Variants in RPS6KC1 observed in about 807,000 individuals in gnomAD.
RPS6KC1 encodes the protein ribosomal protein S6 kinase C1.
A neutral mutation model predicts 103.8 loss-of-function variants in RPS6KC1; 54 were observed. That is an observed-to-expected ratio of 0.52 (90% CI 0.42 to 0.65). The LOEUF is 0.65. Among genes scored for constraint, RPS6KC1 ranks in the 30% least tolerant of loss-of-function variants. The pLI, the probability that RPS6KC1 is intolerant of heterozygous loss-of-function variation, is 0.00. For synonymous variants in RPS6KC1, 439 were observed against 438.7 expected (o/e 1.00, Z -0.01); for missense variants, 1,151 against 1,253.8 (o/e 0.92, Z 1.24).
chr1:213,861,822 C>T, the RPS6KC1 span, among the ~76,000 whole-genome samples: 1 of 152,154 alleles, frequency 6.6e-6, no homozygotes, highest in African/African-American at 2.4e-5. Flanking sequence ...CTTTTGCTTC[C>T]TTTCAGATCT....
chr1:213,286,246 C>T, the RPS6KC1 span, among the ~76,000 whole-genome samples: 1 of 152,174 alleles, frequency 6.6e-6, no homozygotes, highest in Admixed American at 6.5e-5. Context: ...CAGTGTCCAA[C>T]TTAGCAGAGA....
chr1:213,228,586 A>G (rs2094014496), intron 8 of RPS6KC1, among the ~76,000 whole-genome samples: 1 of 151,910 alleles, frequency 6.6e-6, no homozygotes, highest in Non-Finnish European at 1.5e-5. Flanking sequence ...TTATCCAGGC[A>G]TGGTGGCACA....
In RPS6KC1 at chr1:213,167,985, A is replaced by G. The variant is rs2091146030; in HGVS notation, c.951+12A>G. ...ATGATGTATCTCAGGTATGTCTCAT[A>G]TTTTGTTGTGTGTTTTCTTCAGTGA... On this transcript the variant is annotated intron_variant, in intron 7 of 14. Transcript: ENST00000366960. 1 of 1,556,202 alleles carries G rather than the reference A, an allele frequency of 6.4e-7. No homozygotes were observed. The highest frequency in any genetic ancestry group is 8.8e-7 in the Non-Finnish European group (1 of 1,130,086).
chr1:213,392,318 A>T, the RPS6KC1 span, among the ~76,000 whole-genome samples: 1 of 152,060 alleles, frequency 6.6e-6, no homozygotes, highest in Non-Finnish European at 1.5e-5. Flanking sequence ...AGAAATAGTA[A>T]CACAGCACCT....
chr1:213,597,771 A>G, the RPS6KC1 span, among the ~76,000 whole-genome samples: 4 of 152,162 alleles, frequency 2.6e-5, no homozygotes, highest in Non-Finnish European at 5.9e-5. Flanking sequence ...GCTGCTCTGA[A>G]TGAAGGACCC....
At chr1:213,469,773 T>A in the RPS6KC1 span, among the ~76,000 whole-genome samples, 1 of 152,170 alleles carries the variant, frequency 6.6e-6, no homozygotes. Flanking sequence ...CAATTTGTCT[T>A]TGGGAGGCCA....
chr1:213,225,847 T>C (rs2093947761), intron 8 of RPS6KC1, among the ~76,000 whole-genome samples: 1 of 151,872 alleles, frequency 6.6e-6, no homozygotes, highest in Non-Finnish European at 1.5e-5. Context: ...TTCCATGCCT[T>C]TTACCTAGTG....
chr1:213,789,153 G>C, the RPS6KC1 span, among the ~76,000 whole-genome samples: 1 of 152,130 alleles, frequency 6.6e-6, no homozygotes, highest in Non-Finnish European at 1.5e-5. Context: ...GGAAAAGAAA[G>C]GTTGGAATTT....
chr1:213,238,880 T>A (rs2094288341), intron 10 of RPS6KC1, among the ~76,000 whole-genome samples: 1 of 152,162 alleles, frequency 6.6e-6, no homozygotes, highest in South Asian at 2.1e-4. Context: ...TCTAGGAGAA[T>A]TGAAAACCAC....
intron 3 of RPS6KC1, among the ~76,000 whole-genome samples, chr1:213,091,137 A>G (rs748560896): frequency 7.9e-5 from 12 of 151,798 alleles, no homozygotes; most frequent in African/African-American, 1.5e-4. Context: ...GGCTTACTGC[A>G]AGCTCTGCCT....
the RPS6KC1 span, among the ~76,000 whole-genome samples, chr1:213,663,484 C>G: frequency 5.9e-5 from 9 of 152,302 alleles, no homozygotes; most frequent in South Asian, 1.9e-3. Flanking sequence ...CTCTCTACAT[C>G]TATTCTGTTC....
At chr1:213,271,380 G>C (rs1043399447) in intron 14 of RPS6KC1, among the ~76,000 whole-genome samples, 19 of 152,154 alleles carry the variant, frequency 1.2e-4, no homozygotes, top group Non-Finnish European at 2.5e-4. Context: ...CAACTTTATA[G>C]AGACAAAAGG....
chr1:213,076,693 T>A (rs1402111205), intron 2 of RPS6KC1, among the ~76,000 whole-genome samples: 1 of 151,924 alleles, frequency 6.6e-6, no homozygotes, highest in Admixed American at 6.6e-5. Context: ...CTTTTTTACA[T>A]GTCGTCTAAT....
At chr1:213,110,579 G>T (rs1448810432) in intron 4 of RPS6KC1, among the ~76,000 whole-genome samples, 1 of 152,194 alleles carries the variant, frequency 6.6e-6, no homozygotes, top group East Asian at 1.9e-4. Context: ...GTCATTGCTT[G>T]TGCTTAAACA....
At chr1:213,129,381 A>G (rs765434422) in intron 5 of RPS6KC1, 146 bp from the exon 6 acceptor site, 1 of 858,408 alleles carries the variant, frequency 1.2e-6, no homozygotes, top group Non-Finnish European at 1.8e-6. Context: ...AAGCCTAAAC[A>G]AATTGCTAGA....
At chr1:213,215,066 T>C (rs2093622914) in intron 8 of RPS6KC1, among the ~76,000 whole-genome samples, 1 of 152,136 alleles carries the variant, frequency 6.6e-6, no homozygotes, top group Non-Finnish European at 1.5e-5. Context: ...GGCTTCAGAC[T>C]ATCAAACTAC....
the RPS6KC1 span, among the ~76,000 whole-genome samples, chr1:213,576,503 A>G: frequency 6.6e-6 from 1 of 151,040 alleles, no homozygotes; most frequent in East Asian, 1.9e-4. Context: ...TATTATTATT[A>G]TATCTTTTAT....
chr1:213,246,469 T>C (rs1265313410), intron 12 of RPS6KC1, among the ~76,000 whole-genome samples: 1 of 152,150 alleles, frequency 6.6e-6, no homozygotes, highest in African/African-American at 2.4e-5. Flanking sequence ...GATTAGAGAA[T>C]AAAAACTGGA....
chr1:213,525,591 C>T, the RPS6KC1 span, among the ~76,000 whole-genome samples: 1 of 152,094 alleles, frequency 6.6e-6, no homozygotes, highest in Non-Finnish European at 1.5e-5. Flanking sequence ...AGCCTTCAGA[C>T]TCTGCCATAC....
Sources: allele counts gnomAD v4.1 joint callset (sites outside exome capture counted in the v4.1 genomes callset), GRCh38; gene constraint gnomAD v4.1.1; transcripts MANE v1.5; gene names NCBI Gene and HGNC (gene_info 2026-07-23, HGNC 2026-07-21).